Variants in EBPL observed in about 807,000 individuals in gnomAD.
EBPL encodes the protein EBP like, also known as emopamil-binding protein-like.
A neutral mutation model predicts 19.0 loss-of-function variants in EBPL; 20 were observed. The observed-to-expected ratio is 1.05, with a 90% confidence interval of 0.74 to 1.53. EBPL has a LOEUF of 1.53. EBPL is among the 40% of genes most tolerant of loss of function. The pLI is 0.00. For missense variants in EBPL, 219 were observed against 261.1 expected (o/e 0.84, Z 1.11); for synonymous variants, 107 against 117.0 (o/e 0.91, Z 0.55).
At position 49,663,125 on chromosome 13, in the gene EBPL, C is replaced by A; in HGVS notation, c.312G>T (p.Leu104=). 1 of 1,614,136 alleles carries A rather than the reference C, an allele frequency of 6.2e-7. No homozygotes were observed. The highest frequency in any genetic ancestry group is 8.5e-7 in the Non-Finnish European group (1 of 1,180,008). Residue 104 remains leucine, a synonymous_variant, in exon 3 of 4, where the codon CTG becomes CTT. Transcript: ENST00000242827. ...CCAGAGACCCATCCAGGGCGACGGT[C>A]AGAATTTCCACAGACACAATGGTTG... ...FDPTIVSVEI[L]TVALDGSLAL... is the part of the protein sequence containing the mutation.
At chr13:49,664,578 A>T (rs1965199443) in intron 2 of EBPL, among the ~76,000 whole-genome samples, 1 of 152,172 alleles carries the variant, frequency 6.6e-6, no homozygotes, top group African/African-American at 2.4e-5. Context: ...TTACTTTCTT[A>T]ATTTGTAAAA....
intron 1 of EBPL, among the ~76,000 whole-genome samples, chr13:49,688,127 C>T (rs1416364121): frequency 6.6e-6 from 1 of 152,148 alleles, no homozygotes; most frequent in African/African-American, 2.4e-5. Context: ...AAATTTTATC[C>T]ATGAAGCACC....
Position 49,688,004 on chromosome 13 carries a change from C to T in EBPL, c.171+3250G>A, listed in dbSNP as rs191601686. ...CTGGTCCTCCCACTTCTTATGTAAA[C>T]CCTGTGCTCCTGTCAATCTGGACTA... On this transcript the variant is annotated intron_variant, in intron 1 of 3. Coordinates refer to ENST00000242827, the MANE Select transcript of EBPL (RefSeq NM_032565.5). Among the ~76,000 whole-genome samples, 173 of 152,306 alleles carry T rather than the reference C, an allele frequency of 1.1e-3. 1 individual carries two copies. Among genetic ancestry groups the T allele is most frequent in the African/African-American group, 4.0e-3 (166 of 41,564 alleles).
chr13:49,661,263 CAG>C lies in EBPL; in HGVS notation c.381-57_381-56del, dbSNP rs975136736. 2.3e-5 allele frequency: 32 copies of C among 1,419,336 alleles called. No individual in the cohort carries two copies. The African/African-American group carries it at 2.7e-4, about 12-fold the overall frequency. The allele number at this position is 1,419,336 out of a possible 1,614,324, so 87.9% of individuals were successfully genotyped here. ...CCACCAGCTTGGCACAGTTTGGCAT[CAG>C]AGTCATGACATCTTGTCTGTAATGG... is the stretch of plus-strand genomic sequence containing the variant. On this transcript the variant is annotated intron_variant, in intron 3 of 3. Coordinates refer to ENST00000242827, the MANE Select transcript of EBPL (RefSeq NM_032565.5).
At chr13:49,662,131 T>A (rs1303354591) in intron 3 of EBPL, among the ~76,000 whole-genome samples, 1 of 152,090 alleles carries the variant, frequency 6.6e-6, no homozygotes, top group Admixed American at 6.5e-5. Flanking sequence ...TAGCTGGGAC[T>A]TACAGGCACC....
chr13:49,673,648 G>T (rs989882585), intron 1 of EBPL, among the ~76,000 whole-genome samples: 1 of 152,124 alleles, frequency 6.6e-6, no homozygotes, highest in Non-Finnish European at 1.5e-5. Flanking sequence ...TGTTGGCCAG[G>T]CTGGTCTCGA....
At chr13:49,682,150 C>T (rs1315227999) in intron 1 of EBPL, among the ~76,000 whole-genome samples, 2 of 152,198 alleles carry the variant, frequency 1.3e-5, no homozygotes, top group Non-Finnish European at 2.9e-5. Flanking sequence ...CTTGATTGAA[C>T]CTGCCCAGCA....
At chr13:49,667,676 G>A (rs57953027) in intron 2 of EBPL, among the ~76,000 whole-genome samples, 4,725 of 152,144 alleles carry the variant, frequency 0.031, 149 homozygotes, top group East Asian at 0.17. Context: ...TTAGAAATAC[G>A]GTCTTACTGT....
chr13:49,679,006 T>TAAAAAAAAAAAAAAA (rs71188373), intron 1 of EBPL, among the ~76,000 whole-genome samples: 5 of 95,158 alleles, frequency 5.3e-5, no homozygotes, highest in South Asian at 3.9e-4. Context: ...AGACTCCGTC[T>TAAAAAAAAAAAAAAA]AAAAAAAAAA....
At chr13:49,661,833 A>G (rs1965153312) in intron 3 of EBPL, 1 of 1,550,032 alleles carries the variant, frequency 6.5e-7, no homozygotes, top group Non-Finnish European at 8.7e-7. Flanking sequence ...CTTCATTACA[A>G]GATGGTGGAA....
At chr13:49,687,719 A>G (rs1213210896) in intron 1 of EBPL, among the ~76,000 whole-genome samples, 2 of 152,190 alleles carry the variant, frequency 1.3e-5, no homozygotes, top group Non-Finnish European at 2.9e-5. Flanking sequence ...CCTTTCTTGT[A>G]ACGCATCCCA....
intron 1 of EBPL, chr13:49,686,440 C>G (rs961079083): frequency 7.0e-6 from 9 of 1,277,720 alleles, no homozygotes; most frequent in Admixed American, 2.4e-5. Flanking sequence ...CAATCCCACT[C>G]TCACCATTGA....
At chr13:49,664,533 G>A (rs1191217590) in intron 2 of EBPL, among the ~76,000 whole-genome samples, 1 of 152,168 alleles carries the variant, frequency 6.6e-6, no homozygotes, top group Non-Finnish European at 1.5e-5. Context: ...TGGAATGATG[G>A]CCAGGTATTA....
intron 1 of EBPL, among the ~76,000 whole-genome samples, chr13:49,680,816 G>A (rs983744983): frequency 1.6e-5 from 2 of 124,942 alleles, no homozygotes; most frequent in Non-Finnish European, 3.6e-5. Context: ...GCGAGATTCC[G>A]TCTCAAAAAA....
chr13:49,690,807 G>C (rs1954054366), intron 1 of EBPL, among the ~76,000 whole-genome samples: 1 of 152,164 alleles, frequency 6.6e-6, no homozygotes, highest in Non-Finnish European at 1.5e-5. Flanking sequence ...ATTAGACACG[G>C]GTGTTTCGTT....
rs532877228 is a variant in EBPL, at chr13:49,660,976, ACTT to A, written c.610_612del (p.Lys204del). ...TTTATGGTTTTGAAAGTTCACTGAA[ACTT>A]CTTCACTGAACTGGTTTCTTTCTGA... On this transcript the variant is annotated inframe_deletion, in exon 4 of 4. Transcript: ENST00000242827. 3.8e-5 allele frequency: 61 copies of A among 1,606,422 alleles called. No individual in the cohort carries two copies. The East Asian group carries it at 1.3e-3, about 35-fold the overall frequency.
At chr13:49,667,920 G>A (rs1024676435) in intron 2 of EBPL, among the ~76,000 whole-genome samples, 13 of 152,238 alleles carry the variant, frequency 8.5e-5, no homozygotes, top group Non-Finnish European at 1.2e-4. Context: ...GCAGCCAGGG[G>A]AGGAGGTGTC....
intron 1 of EBPL, chr13:49,686,525 T>C: frequency 7.8e-7 from 1 of 1,289,684 alleles, no homozygotes; most frequent in Non-Finnish European, 1.0e-6. Flanking sequence ...TTTATCAGTG[T>C]TCTTGAAATT....
At position 49,691,365 on chromosome 13, in the gene EBPL, C is replaced by T; in HGVS notation, c.60G>A (p.Ala20=). 1 of 1,363,994 alleles carries T rather than the reference C, an allele frequency of 7.3e-7. No homozygotes were observed. Among genetic ancestry groups the T allele is most frequent in the Non-Finnish European group, 9.5e-7 (1 of 1,055,452 alleles). The allele number at this position is 1,363,994 out of a possible 1,614,324, so 84.5% of individuals were successfully genotyped here. ...CCAGGGCGCAGCCCGCCGCCAGCAG[C>T]GCGGCGCACAGCAGCAGCGAACCGC... is the stretch of plus-strand genomic sequence containing the variant. The part of the protein sequence containing the change: ...EAGGSLLLCA[A]LLAAGCALGL... Residue 20 remains alanine (A), a synonymous_variant, in exon 1 of 4, where the codon GCG becomes GCA. Coordinates refer to ENST00000242827, the MANE Select transcript of EBPL (RefSeq NM_032565.5).
Sources: gnomAD v4.1 joint callset for allele counts (sites outside exome capture counted in the v4.1 genomes callset) on GRCh38, gnomAD v4.1.1 for gene constraint, MANE v1.5 for transcripts, NCBI Gene and HGNC (gene_info 2026-07-23, HGNC 2026-07-21) for gene names.